AVEN: variants seen among roughly 807,000 people sequenced by gnomAD.
AVEN encodes cell death regulator Aven.
AVEN carries 41 observed loss-of-function variants against 38.1 expected under a neutral mutation model. That is an observed-to-expected ratio of 1.08 (90% confidence interval 0.84 to 1.40). AVEN has a LOEUF of 1.40. AVEN is among the 40% of genes most tolerant of loss of function. AVEN has a pLI of 0.00. For synonymous variants in AVEN, 206 were observed against 171.8 expected (o/e 1.20, Z -1.56); for missense variants, 605 against 438.8 (o/e 1.38, Z -3.38).
intron 2 of AVEN, among the ~76,000 whole-genome samples, chr15:33,997,080 G>A (rs914136952): frequency 2.6e-5 from 4 of 152,012 alleles, no homozygotes; most frequent in African/African-American, 9.7e-5. Context: ...CATTCTTCAG[G>A]AAAAAAAGCA....
intron 2 of AVEN, chr15:33,885,764 A>C (rs1344110101): frequency 6.6e-6 from 1 of 152,136 alleles, no homozygotes; most frequent in African/African-American, 2.4e-5. Context: ...AAATACACTA[A>C]GGTACCTTAA....
chr15:33,922,612 T>C lies in AVEN; in HGVS notation c.446-46617A>G, dbSNP rs185541811. Among the ~76,000 whole-genome samples the C allele has an allele frequency of 4.6e-4, 70 of 152,198 alleles. 1 individual carries two copies. The highest frequency in any genetic ancestry group is 1.6e-3 in the African/African-American group (68 of 41,528). On this transcript the variant is annotated intron_variant, in intron 2 of 5. Coordinates refer to ENST00000306730, the MANE Select transcript of AVEN (RefSeq NM_020371.3). ...ACCACACCCAGCTAATTTTTATTTTTTGTAGAGATGGGGTCTCACTATGTT... is the reference window on the plus strand; with the variant it reads ...ACCACACCCAGCTAATTTTTATTTTCTGTAGAGATGGGGTCTCACTATGTT...
chr15:34,064,512 T>A, intron 4 of AVEN: 1 of 669,584 alleles, frequency 1.5e-6, no homozygotes, highest in Non-Finnish European at 2.5e-6. Flanking sequence ...ATTAAATGAC[T>A]CTTGCCTATG....
intron 2 of AVEN, among the ~76,000 whole-genome samples, chr15:33,897,090 AT>A (rs2153042084): frequency 6.6e-6 from 1 of 152,306 alleles, no homozygotes; most frequent in African/African-American, 2.4e-5. Flanking sequence ...ATAGGGTTCC[AT>A]TACATAACAT....
rs71119906 is a variant in AVEN at position 33,968,099 on chromosome 15, T to TAAAAAAAAAAAA, written c.445+34921_445+34932dup. 1.6e-3 allele frequency among the ~76,000 whole-genome samples: 42 copies of TAAAAAAAAAAAA among 25,850 alleles called. 5 individuals are homozygous for TAAAAAAAAAAAA. The highest frequency in any genetic ancestry group is 3.3e-3 in the African/African-American group (31 of 9,504). The allele number at this position is 25,850 out of a possible 152,430, so 17.0% of individuals were successfully genotyped here. On this transcript the variant is annotated intron_variant, in intron 2 of 5. Coordinates refer to ENST00000306730, the MANE Select transcript of AVEN (RefSeq NM_020371.3). Reference sequence around the variant, plus strand: ...TCTGTGAATAATGCCTAGCAAAGCTTAAAAAAAAAAAAAAAAAAAAAAAAA... The same window carrying TAAAAAAAAAAAA: ...TCTGTGAATAATGCCTAGCAAAGCTTAAAAAAAAAAAAAAAAAAAAAAAAAAAAAAAAAAAAA...
intron 2 of AVEN, among the ~76,000 whole-genome samples, 192 bp from the exon 3 acceptor site, chr15:33,876,187 T>C (rs977279848): frequency 6.6e-6 from 1 of 152,042 alleles, no homozygotes; most frequent in Non-Finnish European, 1.5e-5. Context: ...ATGTTAACAT[T>C]TGATAAGATT....
At chr15:34,012,220 C>T (rs992470511) in intron 1 of AVEN, among the ~76,000 whole-genome samples, 2 of 152,130 alleles carry the variant, frequency 1.3e-5, no homozygotes, top group Admixed American at 6.5e-5. Flanking sequence ...TGCTTCTTGA[C>T]GTGGTTATGA....
chr15:33,918,437 C>T (rs1277014606), intron 2 of AVEN, among the ~76,000 whole-genome samples: 2 of 137,438 alleles, frequency 1.5e-5, no homozygotes, highest in East Asian at 4.3e-4. Flanking sequence ...GATGTTGTGT[C>T]TTCCCAGTCT....
chr15:33,990,317 G>A (rs1896666280), intron 2 of AVEN, among the ~76,000 whole-genome samples: 2 of 152,170 alleles, frequency 1.3e-5, no homozygotes, highest in South Asian at 4.1e-4. Context: ...GGGAGGCAGA[G>A]GCTGCAGTGA....
chr15:33,927,123 C>T (rs929066712), intron 2 of AVEN, among the ~76,000 whole-genome samples: 4 of 151,776 alleles, frequency 2.6e-5, no homozygotes, highest in Admixed American at 1.3e-4. Flanking sequence ...GGTGTGGTGG[C>T]GGGCGCCTGT....
At chr15:33,862,429 A>G (rs1888628294), downstream of AVEN, among the ~76,000 whole-genome samples, 2 of 150,822 alleles carry the variant, frequency 1.3e-5, no homozygotes, top group African/African-American at 4.9e-5. Context: ...CTGATCTCGA[A>G]CTCCTGAGCT....
intron 2 of AVEN, among the ~76,000 whole-genome samples, chr15:34,000,319 A>G (rs946234104): frequency 6.6e-6 from 1 of 152,174 alleles, no homozygotes; most frequent in Non-Finnish European, 1.5e-5. Context: ...TCACCACTCT[A>G]TGTCCAGCCT....
chr15:33,952,798 C>T (rs952287841), intron 2 of AVEN, among the ~76,000 whole-genome samples: 1 of 148,954 alleles, frequency 6.7e-6, no homozygotes, highest in Non-Finnish European at 1.5e-5. Flanking sequence ...AAGACATCTA[C>T]ATATGCCCAA....
chr15:33,856,979 C>A (rs572214541), downstream of AVEN, among the ~76,000 whole-genome samples: 5 of 152,164 alleles, frequency 3.3e-5, no homozygotes, highest in East Asian at 9.7e-4. Flanking sequence ...TAAGCAGCAG[C>A]ATTAGAGTAG....
intron 2 of AVEN, among the ~76,000 whole-genome samples, chr15:33,996,296 C>T (rs1260613119): frequency 2.6e-5 from 4 of 151,876 alleles, no homozygotes; most frequent in Admixed American, 2.6e-4. Flanking sequence ...CAGACTTAAA[C>T]GTCCCTGTCT....
chr15:34,062,175 G>A (rs764437269), intron 5 of AVEN, among the ~76,000 whole-genome samples: 99 of 152,218 alleles, frequency 6.5e-4, no homozygotes, highest in Non-Finnish European at 1.2e-3. Context: ...GCAAAAGGAT[G>A]CCATTAAAAA....
At chr15:33,884,648 A>AT (rs145816532) in intron 2 of AVEN, among the ~76,000 whole-genome samples, 2,917 of 152,236 alleles carry the variant, frequency 0.019, 83 homozygotes, top group African/African-American at 0.066. Flanking sequence ...ACAGCTGCCA[A>AT]TTTTAAGCTT....
At chr15:33,944,687 T>C (rs1894443150) in intron 2 of AVEN, among the ~76,000 whole-genome samples, 1 of 151,922 alleles carries the variant, frequency 6.6e-6, no homozygotes, top group Non-Finnish European at 1.5e-5. Flanking sequence ...CCGGCGCCTG[T>C]AGTCCCAGCT....
intron 2 of AVEN, among the ~76,000 whole-genome samples, chr15:33,905,130 CAAAAAAAAA>C (rs71117197): frequency 3.8e-4 from 46 of 121,306 alleles, no homozygotes; most frequent in Middle Eastern, 4.4e-3. Context: ...ACTCCGTCTC[CAAAAAAAAA>C]AAAAAAAAAA....
Sources: gnomAD v4.1 joint callset for allele counts (sites outside exome capture counted in the v4.1 genomes callset) on GRCh38, gnomAD v4.1.1 for gene constraint, MANE v1.5 for transcripts, NCBI Gene and HGNC (gene_info 2026-07-23, HGNC 2026-07-21) for gene names.